MACF1: variants seen among roughly 807,000 people sequenced by gnomAD.
MACF1 encodes microtubule-actin cross-linking factor 1.
A neutral mutation model predicts 854.8 loss-of-function variants in MACF1; 193 were observed. The observed-to-expected ratio is 0.23, with a 90% CI of 0.20 to 0.25. MACF1 has a LOEUF of 0.25. Among genes scored for constraint, MACF1 ranks in the 10% least tolerant of loss-of-function variants. The pLI, the probability that MACF1 is intolerant of heterozygous loss-of-function variation, is 1.00. For synonymous variants in MACF1, 3,185 were observed against 3,226.7 expected (o/e 0.99, Z 0.44); for missense variants, 7,722 against 8,929.1 (o/e 0.86, Z 5.45).
At chr1:39,432,496 G>A (rs769864159) in intron 66 of MACF1, 39 bp from the exon 67 acceptor site, 2 of 1,605,412 alleles carry the variant, frequency 1.2e-6, no homozygotes, top group Non-Finnish European at 1.7e-6. Context: ...AGACTTGGCT[G>A]TATATAATTT....
In MACF1 at chr1:39,340,929, G is replaced by T; in HGVS notation, c.10557G>T (p.Leu3519=). ...ACAGTGAAATAGATGTTGACAGCCTGAACCTCTGCCTCCAACAGTATGAGG... is the reference window on the plus strand; with the variant it reads ...ACAGTGAAATAGATGTTGACAGCCTTAACCTCTGCCTCCAACAGTATGAGG... The part of the protein sequence containing the change: ...GSNSEIDVDS[L]NLCLQQYEDL... The change falls in exon 40 of 101, where the codon CTG becomes CTT. Residue 3519 remains leucine, a synonymous_variant. Transcript: ENST00000564288. 6.2e-7 allele frequency: 1 copy of T among 1,612,086 alleles called. No homozygotes were observed. Among genetic ancestry groups the T allele is most frequent in the South Asian group, 1.1e-5 (1 of 90,578 alleles).
chr1:39,288,713 C>T (rs1440286389), intron 15 of MACF1, among the ~76,000 whole-genome samples: 1 of 151,952 alleles, frequency 6.6e-6, no homozygotes, highest in Non-Finnish European at 1.5e-5. Context: ...ATCACTTGAG[C>T]TTGGGAGGCA....
intron 5 of MACF1, among the ~76,000 whole-genome samples, chr1:39,254,958 A>G (rs1018877734): frequency 6.6e-6 from 1 of 152,168 alleles, no homozygotes; most frequent in Non-Finnish European, 1.5e-5. Flanking sequence ...AGAGGAGCCA[A>G]TGAAGAGAGT....
chr1:39,379,619 T>C (rs1301178775), intron 54 of MACF1, among the ~76,000 whole-genome samples, 175 bp downstream of exon 54: 1 of 152,246 alleles, frequency 6.6e-6, no homozygotes, highest in African/African-American at 2.4e-5. Context: ...TAGAGAATTT[T>C]CTTATGAAAT....
chr1:39,433,223 T>A, intron 68 of MACF1, 68 bp downstream of exon 68: 3 of 973,456 alleles, frequency 3.1e-6, no homozygotes, highest in Non-Finnish European at 4.8e-6. Flanking sequence ...AGCACAATTG[T>A]GAAATGATGG....
chr1:39,430,583 A>G, intron 65 of MACF1, 119 bp from the exon 66 acceptor site: 1 of 737,190 alleles, frequency 1.4e-6, no homozygotes, highest in South Asian at 1.7e-5. Flanking sequence ...AAAATAACTG[A>G]AGGAAGGAGG....
rs1360624692 is a variant in MACF1 at position 39,129,676 on chromosome 1, A to G, written c.220+45238A>G. On this transcript the variant is annotated intron_variant, in intron 2 of 93. Transcript: ENST00000361689. ...CCAGGACCTCCTTGCATTTGCCAGTAGAGGTTGCTATTGAAGTAGTGTAAA... is the reference window on the plus strand; with the variant it reads ...CCAGGACCTCCTTGCATTTGCCAGTGGAGGTTGCTATTGAAGTAGTGTAAA... 5.3e-5 allele frequency among the ~76,000 whole-genome samples: 8 copies of G among 152,194 alleles called. 1 individual carries two copies. The highest frequency in any genetic ancestry group is 5.2e-4 in the Admixed American group (8 of 15,278).
At chr1:39,464,936 C>T in intron 94 of MACF1, 159 bp from the exon 95 acceptor site, 5 of 683,376 alleles carry the variant, frequency 7.3e-6, no homozygotes, top group Non-Finnish European at 1.3e-5. Context: ...ATTAAAACCA[C>T]ATCCCTGTGG....
chr1:39,241,050 G>GTTTT (rs34414583), intron 2 of MACF1, among the ~76,000 whole-genome samples: 2 of 129,480 alleles, frequency 1.5e-5, no homozygotes, highest in Non-Finnish European at 3.4e-5. Flanking sequence ...ACTATAATCT[G>GTTTT]TTTTTTTTTT....
chr1:39,485,968 T>C lies in MACF1; in HGVS notation c.*174T>C. 1 of 699,304 alleles carries C rather than the reference T, an allele frequency of 1.4e-6. No homozygotes were observed. Among genetic ancestry groups the C allele is most frequent in the Non-Finnish European group, 2.0e-6 (1 of 492,402 alleles). 43.3% of individuals were successfully genotyped at this position (699,304 alleles called of 1,614,324 possible). A position where few individuals can be genotyped will look rare whatever the true frequency, so the allele number is the denominator to read the frequency against. On this transcript the variant is annotated 3_prime_UTR_variant, in exon 101 of 101. Transcript: ENST00000564288. Reference sequence around the variant, plus strand: ...AAGTTACTATTTTCATGTGAATATTTATGTAGATAAAATTTGCCTCCTGGT... The same window carrying C: ...AAGTTACTATTTTCATGTGAATATTCATGTAGATAAAATTTGCCTCCTGGT...
At position 39,340,665 on chromosome 1, in the gene MACF1, A is replaced by G. The variant is rs1471236156; in HGVS notation, c.10379A>G (p.Asp3460Gly). 6.2e-7 allele frequency: 1 copy of G among 1,614,070 alleles called. No individual in the cohort carries two copies. The highest frequency in any genetic ancestry group is 1.3e-5 in the African/African-American group (1 of 74,940). ...CAGAAGTCTCTCAGCTCTGTGAGTG[A>G]CACTTGGAATTCCAGGCTACTCCAC... ...NLQKSLSSVSDTWNSRLLHFQ... is the reference protein window; with the variant it reads ...NLQKSLSSVSGTWNSRLLHFQ... The change falls in exon 39 of 101, where the codon GAC becomes GGC. Residue 3460 changes from aspartate to glycine, a missense_variant. This residue lies in a region of MACF1 where 854 missense variants were observed against 852.6 expected (regional missense o/e 1.00). Transcript: ENST00000564288.
intron 80 of MACF1, among the ~76,000 whole-genome samples, chr1:39,445,845 A>T (rs979363438): frequency 6.6e-6 from 1 of 152,182 alleles, no homozygotes; most frequent in Non-Finnish European, 1.5e-5. Context: ...CTGTAGTCCT[A>T]GCTACTTGGG....
intron 58 of MACF1, chr1:39,411,889 A>T: frequency 6.2e-7 from 1 of 1,613,830 alleles, no homozygotes; most frequent in Non-Finnish European, 8.5e-7. Flanking sequence ...ATATTTTAAT[A>T]CCCTGGATTC....
chr1:39,085,878 A>G (rs535872173), intron 2 of MACF1, among the ~76,000 whole-genome samples: 1 of 152,290 alleles, frequency 6.6e-6, no homozygotes, highest in East Asian at 1.9e-4. Flanking sequence ...TGCATCTTGC[A>G]GGATGAAACC....
Position 39,458,413 on chromosome 1 carries a change from G to T in MACF1, c.21119G>T (p.Arg7040Leu). ...EMTRKQPDVDRVTKTYKRKNI... is the reference protein window; with the variant it reads ...EMTRKQPDVDLVTKTYKRKNI... ...ACTCGCAAACAGCCTGACGTGGACC[G>T]GGTCACCAAGACATACAAAAGGAAA... Residue 7040 changes from arginine to leucine, a missense_variant, in exon 90 of 101, where the codon CGG (arginine) becomes CTG (leucine). Around this residue, in one of 15 missense-constraint regions of MACF1, gnomAD observed 729 missense variants for 900.5 expected, o/e 0.81. Transcript: ENST00000564288. 2 of 1,613,970 alleles carry T rather than the reference G, an allele frequency of 1.2e-6. No homozygotes were observed. The highest frequency in any genetic ancestry group is 2.7e-5 in the African/African-American group (2 of 74,992).
intron 2 of MACF1, among the ~76,000 whole-genome samples, chr1:39,173,190 A>G (rs1643975995): frequency 6.6e-6 from 1 of 152,118 alleles, no homozygotes. Flanking sequence ...AATGCAAAAA[A>G]TTAACTGGAT....
At chr1:39,185,272 A>G (rs1644152188) in intron 2 of MACF1, among the ~76,000 whole-genome samples, 1 of 148,410 alleles carries the variant, frequency 6.7e-6, no homozygotes, top group South Asian at 2.1e-4. Context: ...AGCCTGGGCG[A>G]CAGAGCGAGA....
Position 39,387,932 on chromosome 1 carries a change from A to T in MACF1, c.15090A>T (p.Lys5030Asn). 1 of 1,614,018 alleles carries T rather than the reference A, an allele frequency of 6.2e-7. No homozygotes were observed. The highest frequency in any genetic ancestry group is 8.5e-7 in the Non-Finnish European group (1 of 1,180,022). The change falls in exon 58 of 101, where the codon AAA becomes AAT. Residue 5030 changes from lysine (K) to asparagine (N), a missense_variant. Physicochemically the swap from Lys to Asn is moderately conservative, Grantham distance 94. This residue lies in a region of MACF1 where 2,807 missense variants were observed against 3,235.8 expected (regional missense o/e 0.87). Transcript: ENST00000564288. ...TTGAAAAGAAGGTTGAAGGAGCCAA[A>T]CACCAACTTGAGATCTTTGATGCTC... ...KNIEKKVEGA[K>N]HQLEIFDALG...
At chr1:39,401,700 T>G (rs1452285868) in intron 58 of MACF1, among the ~76,000 whole-genome samples, 2 of 152,240 alleles carry the variant, frequency 1.3e-5, no homozygotes, top group African/African-American at 4.8e-5. Flanking sequence ...CATCTTGAAT[T>G]AATTGTATTT....
Sources: gnomAD v4.1 joint callset for allele counts (sites outside exome capture counted in the v4.1 genomes callset) on GRCh38, gnomAD v4.1.1 for gene constraint, gnomAD v4.1.1 regional missense constraint, MANE v1.5 for transcripts, NCBI Gene and HGNC (gene_info 2026-07-23, HGNC 2026-07-21) for gene names.